The following PLPP1 variants were observed in gnomAD, a reference collection of about 807,000 sequenced individuals.
PLPP1 encodes the protein phospholipid phosphatase 1.
In PLPP1, 24 loss-of-function variants were observed where a neutral mutation model predicts 31.2. The observed-to-expected ratio is 0.77, with a 90% CI of 0.56 to 1.08. The LOEUF is 1.08. PLPP1 is among the 50% of genes least tolerant of loss of function. PLPP1 has a pLI of 0.00. For synonymous variants in PLPP1, 146 were observed against 126.3 expected, an observed-to-expected ratio of 1.16 and a Z score of -1.05; for missense variants, 319 against 342.7, an observed-to-expected ratio of 0.93 and a Z score of 0.55.
At chr5:55,506,431 CTCT>C (rs1005002805) in intron 1 of PLPP1, among the ~76,000 whole-genome samples, 1 of 152,146 alleles carries the variant, frequency 6.6e-6, no homozygotes, top group African/African-American at 2.4e-5. Flanking sequence ...CAAAAAGTTT[CTCT>C]TCTTTTCACC....
At chr5:55,443,191 AAAT>A (rs1178579201) in intron 3 of PLPP1, among the ~76,000 whole-genome samples, 23 of 76,788 alleles carry the variant, frequency 3.0e-4, no homozygotes, top group African/African-American at 9.9e-4. Flanking sequence ...AAAAAAAAAA[AAAT>A]ATATATATAT....
intron 1 of PLPP1, among the ~76,000 whole-genome samples, chr5:55,528,889 C>T (rs1740561700): frequency 6.6e-6 from 1 of 152,246 alleles, no homozygotes; most frequent in South Asian, 2.1e-4. Context: ...TTTGGGCCTT[C>T]TACAAAATAC....
intron 3 of PLPP1, among the ~76,000 whole-genome samples, chr5:55,450,152 A>G (rs1751862081): frequency 6.6e-6 from 1 of 152,234 alleles, no homozygotes; most frequent in Non-Finnish European, 1.5e-5. Flanking sequence ...CATTACATAG[A>G]GAGACACATA....
chr5:55,477,598 G>C (rs1752581861), intron 1 of PLPP1, among the ~76,000 whole-genome samples: 1 of 151,724 alleles, frequency 6.6e-6, no homozygotes, highest in South Asian at 2.1e-4. Context: ...CTGCCATGTT[G>C]GCCAGGCTGG....
chr5:55,442,899 GCA>G (rs1173167091), intron 3 of PLPP1, among the ~76,000 whole-genome samples: 1 of 151,960 alleles, frequency 6.6e-6, no homozygotes, highest in Non-Finnish European at 1.5e-5. Flanking sequence ...GAAGAGGCAA[GCA>G]CATCAGGCAC....
intron 1 of PLPP1, 128 bp downstream of exon 1, chr5:55,534,444 G>A (rs1290018607): frequency 1.0e-6 from 1 of 997,198 alleles, no homozygotes; most frequent in Non-Finnish European, 1.4e-6. Flanking sequence ...TGCAGAAGCC[G>A]CCCCCGTGTG....
At chr5:55,511,844 TA>T (rs1318556232) in intron 1 of PLPP1, among the ~76,000 whole-genome samples, 1 of 151,046 alleles carries the variant, frequency 6.6e-6, no homozygotes, top group African/African-American at 2.4e-5. Context: ...TTTTTTTTTT[TA>T]TTTTTAGTAG....
chr5:55,501,800 C>T (rs1753152274), intron 1 of PLPP1, among the ~76,000 whole-genome samples: 1 of 152,112 alleles, frequency 6.6e-6, no homozygotes, highest in Non-Finnish European at 1.5e-5. Flanking sequence ...CACTGTGCCC[C>T]GCCACTAACT....
chr5:55,443,028 A>C (rs1424149068), intron 3 of PLPP1, among the ~76,000 whole-genome samples: 2 of 151,674 alleles, frequency 1.3e-5, no homozygotes, highest in Non-Finnish European at 2.9e-5. Flanking sequence ...TAAGTAATTT[A>C]CTTATTACAC....
chr5:55,443,880 T>A (rs1751691256), intron 3 of PLPP1, among the ~76,000 whole-genome samples: 1 of 152,222 alleles, frequency 6.6e-6, no homozygotes, highest in African/African-American at 2.4e-5. Context: ...CAGATCATAA[T>A]ATGGTCTTTT....
rs561115657 is a variant in PLPP1 at position 55,478,082 on chromosome 5, T to C, written c.59-2632A>G. Among the ~76,000 whole-genome samples the C allele has an allele frequency of 3.3e-4, 50 of 152,150 alleles. 1 individual carries two copies. The South Asian group carries it at 8.5e-3, about 26-fold the overall frequency. On this transcript the variant is annotated intron_variant, in intron 1 of 5. Transcript: ENST00000307259. ...TGTCCTTATTCTCAGAGAAAACATA[T>C]AGGCCCTAATACACATGCCCAAATG...
At chr5:55,531,790 G>T (rs1024063866) in intron 1 of PLPP1, among the ~76,000 whole-genome samples, 1 of 152,194 alleles carries the variant, frequency 6.6e-6, no homozygotes, top group Admixed American at 6.5e-5. Context: ...GAAAAGTTTT[G>T]TATCTCCTGC....
rs780830112 is a variant in PLPP1, at chr5:55,432,095, CTTCTTTTTTTTTTTTT to C, written c.550-6072_550-6057del. ...GCCAGCATGAATAATTTTTCTTTTT[CTTCTTTTTTTTTTTTT>C]TTTTTTTTTTTTGGTAGAGACAGGG... On this transcript the variant is annotated intron_variant, in intron 4 of 5. Coordinates refer to ENST00000307259, the MANE Select transcript of PLPP1 (RefSeq NM_003711.4). Among the ~76,000 whole-genome samples the C allele has an allele frequency of 1.4e-3, 211 of 145,718 alleles. 2 individuals carry two copies. Among genetic ancestry groups the C allele is most frequent in the Non-Finnish European group, 1.4e-3 (92 of 66,292 alleles).
At chr5:55,502,640 A>G (rs1229187230) in intron 1 of PLPP1, among the ~76,000 whole-genome samples, 1 of 152,186 alleles carries the variant, frequency 6.6e-6, no homozygotes, top group Non-Finnish European at 1.5e-5. Context: ...TTAAATTGCT[A>G]TATGCAGCTA....
rs772592565 is a variant in PLPP1 at position 55,518,157 on chromosome 5, C to T, written c.58+16415G>A. On this transcript the variant is annotated intron_variant, in intron 1 of 5. Transcript: ENST00000307259. Reference sequence around the variant, plus strand: ...CCTAAGACTGCATTATAAACAAGATCCCAGGTGATTCCTATGCACATTAAC... The same window carrying T: ...CCTAAGACTGCATTATAAACAAGATTCCAGGTGATTCCTATGCACATTAAC... 8.5e-5 allele frequency among the ~76,000 whole-genome samples: 13 copies of T among 152,076 alleles called. No homozygotes were observed. In the South Asian group the frequency reaches 1.7e-3, roughly 19 times the overall value.
intron 1 of PLPP1, among the ~76,000 whole-genome samples, chr5:55,521,246 G>A (rs1168320164): frequency 1.3e-5 from 2 of 152,002 alleles, no homozygotes; most frequent in East Asian, 1.9e-4. Flanking sequence ...CCAGCTACTC[G>A]GGAGGCTGAG....
intron 3 of PLPP1, among the ~76,000 whole-genome samples, chr5:55,451,519 G>T (rs1751891010): frequency 6.6e-6 from 1 of 151,556 alleles, no homozygotes. Flanking sequence ...TTACCAGGAG[G>T]ACTAACACAG....
At chr5:55,459,204 A>G (rs1239292914) in intron 3 of PLPP1, among the ~76,000 whole-genome samples, 1 of 147,696 alleles carries the variant, frequency 6.8e-6, no homozygotes, top group Non-Finnish European at 1.5e-5. Context: ...AAAGAAATAC[A>G]TTGATACCAA....
chr5:55,444,741 TTTTGTG>T (rs1303444230), intron 3 of PLPP1, among the ~76,000 whole-genome samples: 6 of 6,950 alleles, frequency 8.6e-4, no homozygotes, highest in South Asian at 0.01. Context: ...TGGGATTCTA[TTTTGTG>T]TGTGTGTGTG....
Sources: gnomAD v4.1 joint callset for allele counts (sites outside exome capture counted in the v4.1 genomes callset) on GRCh38, gnomAD v4.1.1 for gene constraint, MANE v1.5 for transcripts, NCBI Gene and HGNC (gene_info 2026-07-23, HGNC 2026-07-21) for gene names.